The following RIF1 variants were observed in gnomAD, a reference collection of about 807,000 sequenced individuals.
RIF1 encodes the protein telomere-associated protein RIF1.
In RIF1, 45 loss-of-function variants were observed where a neutral mutation model predicts 247.1. The ratio of observed to expected loss-of-function variants is 0.18; its 90% CI spans 0.14 to 0.23. The LOEUF is 0.23. Among genes scored for constraint, RIF1 ranks in the 10% least tolerant of loss-of-function variants. The pLI is 1.00. For synonymous variants in RIF1, 1,087 were observed against 978.8 expected, an observed-to-expected ratio of 1.11 and a Z score of -2.06; for missense variants, 2,967 against 2,862.5, an observed-to-expected ratio of 1.04 and a Z score of -0.83.
downstream of RIF1, chr2:151,508,038 C>A (rs765789028): frequency 8.3e-5 from 134 of 1,610,698 alleles, no homozygotes; most frequent in Admixed American, 2.2e-3. Flanking sequence ...CCCGGACTCT[C>A]TGTATCTCTG....
Position 151,501,826 on chromosome 2 carries a change from A to C in RIF1, c.*710-1208A>C, listed in dbSNP as rs147474831. 1.7e-3 allele frequency among the ~76,000 whole-genome samples: 259 copies of C among 152,066 alleles called. 2 individuals carry two copies. In the South Asian group the frequency reaches 0.031, roughly 18 times the overall value. On this transcript the variant is annotated intron_variant and NMD_transcript_variant, in intron 11 of 13. Transcript: ENST00000454583. ...TTGGTAACATTAAATTAGGGAACCA[A>C]AGAAAGAGGAGAGAGAGAGACAGGT...
intron 11 of RIF1, chr2:151,499,549 A>G (rs1321701766): frequency 3.9e-6 from 2 of 510,784 alleles, no homozygotes; most frequent in African/African-American, 2.0e-5. Context: ...GGGTGAGAAC[A>G]TGTTTTGTAT....
chr2:151,530,446 T>C, the RIF1 span, among the ~76,000 whole-genome samples: 1 of 152,186 alleles, frequency 6.6e-6, no homozygotes, highest in Non-Finnish European at 1.5e-5. Context: ...TTAATGTGAC[T>C]AAGGCCAAAG....
downstream of RIF1, among the ~76,000 whole-genome samples, chr2:151,511,093 G>A (rs1333115688): frequency 2.0e-5 from 3 of 152,220 alleles, no homozygotes; most frequent in South Asian, 2.1e-4. Flanking sequence ...ATCCCACACT[G>A]GGATAGGTCC....
At chr2:151,526,939 C>T in the RIF1 span, 1 of 1,598,502 alleles carries the variant, frequency 6.3e-7, no homozygotes, top group Non-Finnish European at 8.5e-7. Context: ...TTAAAGTATT[C>T]CTGAGGGCGA....
At position 151,478,126 on chromosome 2, in the gene RIF1, G is replaced by T. The variant is rs2049017058; in HGVS notation, c.*3055G>T. The T allele has an allele frequency of 6.6e-6, 1 of 152,188 alleles. No individual in the cohort carries two copies. The highest frequency in any genetic ancestry group is 1.5e-5 in the Non-Finnish European group (1 of 68,046). The allele number at this position is 152,188 out of a possible 1,614,324, so 9.4% of individuals were successfully genotyped here. A position where few individuals can be genotyped will look rare whatever the true frequency, so the allele number is the denominator to read the frequency against. On this transcript the variant is annotated 3_prime_UTR_variant, in exon 36 of 36. Transcript: ENST00000444746. The stretch of plus-strand genomic sequence containing the variant: ...CACTTGTACAAGTTTGAAAACCATT[G>T]TTGAATCATATGGAGCTTTACTCTA...
At chr2:151,474,476 C>T (rs983457809) in intron 35 of RIF1, among the ~76,000 whole-genome samples, 4 of 152,084 alleles carry the variant, frequency 2.6e-5, no homozygotes, top group African/African-American at 7.2e-5. Flanking sequence ...GTCAGGAGTT[C>T]GAGACCACTC....
chr2:151,516,533 G>A, the RIF1 span: 36 of 1,612,186 alleles, frequency 2.2e-5, no homozygotes, highest in Non-Finnish European at 2.8e-5. Flanking sequence ...GGTTTTCCTC[G>A]TTCCTTTTCA....
intron 10 of RIF1, chr2:151,496,508 A>T (rs2060268420): frequency 6.9e-7 from 1 of 1,444,584 alleles, no homozygotes; most frequent in Non-Finnish European, 9.2e-7. Flanking sequence ...ACAAAATGCC[A>T]CCAGCTACTT....
At chr2:151,427,183 T>C (rs1280026804) in intron 8 of RIF1, among the ~76,000 whole-genome samples, 1 of 152,078 alleles carries the variant, frequency 6.6e-6, no homozygotes, top group East Asian at 1.9e-4. Context: ...GCATTACTTG[T>C]CATTTTTCCA....
intron 9 of RIF1, among the ~76,000 whole-genome samples, chr2:151,487,766 C>CAT (rs141261492): frequency 0.03 from 4,602 of 151,550 alleles, 122 homozygotes; most frequent in East Asian, 0.14. Context: ...TACATACACA[C>CAT]ATATATATAT....
Position 151,461,251 on chromosome 2 carries a change from A to G in RIF1, c.3189A>G (p.Ile1063Met). The G allele has an allele frequency of 1.2e-6, 2 of 1,613,320 alleles. No homozygotes were observed. The highest frequency in any genetic ancestry group is 1.7e-6 in the Non-Finnish European group (2 of 1,179,814). ...AAGGAAAAGATGCAAAGGAAAGAAT[A>G]TTAACTGATCATCAAAAAGAAGTTC... is the stretch of plus-strand genomic sequence containing the variant. ...PPEGKDAKER[I>M]LTDHQKEVLK... The change falls in exon 27 of 36, where the codon ATA becomes ATG. Residue 1063 changes from isoleucine (I) to methionine (M), a missense_variant. Transcript: ENST00000444746.
chr2:151,505,995 C>T (rs1358942747), intron 12 of RIF1: 1 of 657,776 alleles, frequency 1.5e-6, no homozygotes, highest in Non-Finnish European at 2.8e-6. Context: ...CGCCAAGGCA[C>T]TGCACTGAAT....
the RIF1 span, chr2:151,515,075 A>T: frequency 1.6e-6 from 1 of 620,300 alleles, no homozygotes; most frequent in South Asian, 2.1e-5. Context: ...TGAAACATGT[A>T]TGATTGTACT....
chr2:151,512,580 C>T (rs1170480485), downstream of RIF1, among the ~76,000 whole-genome samples: 1 of 152,212 alleles, frequency 6.6e-6, no homozygotes, highest in East Asian at 1.9e-4. Context: ...TCCCAAAGTG[C>T]TGGGAATACA....
chr2:151,494,815 AT>A (rs2059101715), intron 9 of RIF1, among the ~76,000 whole-genome samples: 1 of 151,912 alleles, frequency 6.6e-6, no homozygotes, highest in African/African-American at 2.4e-5. Flanking sequence ...TGCCCGGCTA[AT>A]TTTTGTATTT....
chr2:151,448,954 T>TA (rs1693787900), intron 20 of RIF1, among the ~76,000 whole-genome samples: 1 of 152,204 alleles, frequency 6.6e-6, no homozygotes, highest in South Asian at 2.1e-4. Context: ...TTTCACAAAA[T>TA]ACCCTGTTGA....
exon 13 of RIF1, chr2:151,506,359 C>A (rs926178922): frequency 2.4e-4 from 210 of 865,160 alleles, no homozygotes; most frequent in Middle Eastern, 6.8e-4. Context: ...AAACAAGACA[C>A]TAGACGATGT....
chr2:151,459,305 A>G (rs899516554), intron 25 of RIF1, among the ~76,000 whole-genome samples: 2 of 152,232 alleles, frequency 1.3e-5, no homozygotes, highest in Non-Finnish European at 2.9e-5. Flanking sequence ...GTCACATGGC[A>G]TTAGGAGCAA....
Sources: allele counts gnomAD v4.1 joint callset (sites outside exome capture counted in the v4.1 genomes callset), GRCh38; gene constraint gnomAD v4.1.1; transcripts MANE v1.5; gene names NCBI Gene and HGNC (gene_info 2026-07-23, HGNC 2026-07-21).